LRRC2: variants seen among roughly 807,000 people sequenced by gnomAD.
LRRC2 encodes leucine rich repeat containing 2, also known as leucine-rich repeat-containing protein 2.
LRRC2 carries 27 observed loss-of-function variants against 40.2 expected under a neutral mutation model. The ratio of observed to expected loss-of-function variants is 0.67; its 90% CI spans 0.49 to 0.93. LRRC2 has a LOEUF of 0.93. Ranked by LOEUF, LRRC2 falls within the 40% of genes least tolerant of loss-of-function variation. The pLI is 0.00. For missense variants in LRRC2, 402 were observed against 439.6 expected (o/e 0.91, Z 0.76); for synonymous variants, 147 against 158.9 (o/e 0.92, Z 0.56).
At chr3:46,529,515 G>A (rs903133300) in intron 6 of LRRC2, among the ~76,000 whole-genome samples, 3 of 152,148 alleles carry the variant, frequency 2.0e-5, no homozygotes, top group Admixed American at 1.3e-4. Context: ...TATGTATAAC[G>A]AATCAATAAA....
intron 3 of LRRC2, among the ~76,000 whole-genome samples, chr3:46,544,619 C>A (rs1704484988): frequency 6.6e-6 from 1 of 152,226 alleles, no homozygotes; most frequent in African/African-American, 2.4e-5. Flanking sequence ...TTTGCCCTGG[C>A]CTCAGAATCT....
intron 7 of LRRC2, among the ~76,000 whole-genome samples, chr3:46,525,421 C>T (rs931510178): frequency 1.3e-5 from 2 of 151,838 alleles, no homozygotes; most frequent in East Asian, 3.9e-4. Context: ...TGGCTAATTT[C>T]TTAATTTTTT....
intron 2 of LRRC2, among the ~76,000 whole-genome samples, chr3:46,550,932 G>A (rs1366589149): frequency 1.3e-5 from 2 of 152,188 alleles, no homozygotes; most frequent in Admixed American, 1.3e-4. Flanking sequence ...ATTTTCCAAA[G>A]CACTCAACTT....
At chr3:46,541,677 G>A (rs1017225506) in intron 3 of LRRC2, among the ~76,000 whole-genome samples, 1 of 152,158 alleles carries the variant, frequency 6.6e-6, no homozygotes, top group African/African-American at 2.4e-5. Context: ...GGCAGTAGAA[G>A]AGCCTGGTAC....
intron 2 of LRRC2, among the ~76,000 whole-genome samples, chr3:46,545,950 T>C (rs2107026609): frequency 6.6e-6 from 1 of 152,328 alleles, no homozygotes; most frequent in East Asian, 1.9e-4. Context: ...GCCTTTAACA[T>C]ATTCTATGTG....
At chr3:46,547,076 G>T (rs763937179) in intron 2 of LRRC2, among the ~76,000 whole-genome samples, 1 of 152,168 alleles carries the variant, frequency 6.6e-6, no homozygotes, top group African/African-American at 2.4e-5. Flanking sequence ...TGTTATGCCT[G>T]CCTGCAACCC....
At chr3:46,541,259 G>A (rs1488801155) in intron 3 of LRRC2, among the ~76,000 whole-genome samples, 3 of 151,156 alleles carry the variant, frequency 2.0e-5, no homozygotes, top group East Asian at 2.0e-4. Context: ...TGTGAACCCG[G>A]GAAGCGGACC....
intron 6 of LRRC2, among the ~76,000 whole-genome samples, chr3:46,528,077 GT>G (rs1439432327): frequency 1.3e-5 from 2 of 152,086 alleles, no homozygotes; most frequent in Admixed American, 1.3e-4. Flanking sequence ...TTTTTTGGAA[GT>G]TTTTACTGAC....
At chr3:46,535,502 C>A (rs538231175) in intron 4 of LRRC2, among the ~76,000 whole-genome samples, 4 of 152,126 alleles carry the variant, frequency 2.6e-5, no homozygotes, top group East Asian at 1.9e-4. Flanking sequence ...GTTTAACTCA[C>A]AAAAAAATTC....
chr3:46,548,068 A>C lies in LRRC2; in HGVS notation c.126-2815T>G, dbSNP rs148156436. Among the ~76,000 whole-genome samples, 588 of 152,314 alleles carry C rather than the reference A, an allele frequency of 3.9e-3. 2 individuals are homozygous for C. The highest frequency in any genetic ancestry group is 0.013 in the African/African-American group (557 of 41,564). ...GGGCACTTTTCAGATTAATGTCTCT[A>C]ACTTTTCTTTCCTCATTTCTTAGAC... On this transcript the variant is annotated intron_variant, in intron 2 of 8. Transcript: ENST00000395905.
chr3:46,549,780 G>A (rs1453218964), intron 2 of LRRC2, among the ~76,000 whole-genome samples: 1 of 152,226 alleles, frequency 6.6e-6, no homozygotes, highest in Non-Finnish European at 1.5e-5. Flanking sequence ...AGCTACAGGT[G>A]CTTCCCTAAC....
In LRRC2 at chr3:46,518,718, G is replaced by C. The variant is rs1703912048; in HGVS notation, c.*296C>G. 7.5e-6 allele frequency: 2 copies of C among 265,850 alleles called. No homozygotes were observed. The highest frequency in any genetic ancestry group is 4.4e-5 in the African/African-American group (2 of 45,140). 16.5% of individuals were successfully genotyped at this position (265,850 alleles called of 1,614,324 possible). A position where few individuals can be genotyped will look rare whatever the true frequency, so the allele number is the denominator to read the frequency against. On this transcript the variant is annotated 3_prime_UTR_variant, in exon 9 of 9. Coordinates refer to ENST00000395905, the MANE Select transcript of LRRC2 (RefSeq NM_024512.5). The stretch of plus-strand genomic sequence containing the variant: ...CTTAACTTCAGTATTTGGTCTTTTA[G>C]TTATAATTCTTAAAAATAAGACATT...
At chr3:46,529,614 C>A (rs1704123052) in intron 6 of LRRC2, among the ~76,000 whole-genome samples, 1 of 152,186 alleles carries the variant, frequency 6.6e-6, no homozygotes, top group African/African-American at 2.4e-5. Context: ...TTTTCCACTT[C>A]TGTAGAGTGA....
chr3:46,522,045 G>A (rs1163194484), intron 7 of LRRC2, among the ~76,000 whole-genome samples: 3 of 152,044 alleles, frequency 2.0e-5, no homozygotes, highest in African/African-American at 7.2e-5. Context: ...AAATTACAAA[G>A]GACTCAAGGA....
chr3:46,549,555 C>T (rs1486052000), intron 2 of LRRC2, among the ~76,000 whole-genome samples: 1 of 152,194 alleles, frequency 6.6e-6, no homozygotes, highest in Non-Finnish European at 1.5e-5. Flanking sequence ...AGTTTTCTGT[C>T]TTAGGTTAAG....
chr3:46,540,749 G>A (rs1442265926), intron 3 of LRRC2, among the ~76,000 whole-genome samples: 2 of 152,150 alleles, frequency 1.3e-5, no homozygotes, highest in Admixed American at 1.3e-4. Flanking sequence ...TGCTTCTGAA[G>A]CCAACTACCT....
chr3:46,545,962 T>C (rs945535796), intron 2 of LRRC2, among the ~76,000 whole-genome samples: 6 of 152,216 alleles, frequency 3.9e-5, no homozygotes, highest in African/African-American at 1.4e-4. Context: ...TTCTATGTGA[T>C]GCAAAACAAG....
intron 3 of LRRC2, among the ~76,000 whole-genome samples, chr3:46,543,022 C>A (rs1323447789): frequency 6.6e-6 from 1 of 152,184 alleles, no homozygotes; most frequent in African/African-American, 2.4e-5. Flanking sequence ...CTCTAAGAGG[C>A]TGAAAAATCC....
rs780892971 is a variant in LRRC2, at chr3:46,529,942, T to A, written c.736A>T (p.Ser246Cys). ...TGCGGCAGGTCGGTCAGGTTATTGC[T>A]GCTGATATCCAACCACTGCAAATTC... ...MSNLQWLDIS[S>C]NNLTDLPQDI... The change falls in exon 6 of 9, where the codon AGC (serine) becomes TGC (cysteine). Residue 246 changes from serine (S) to cysteine (C), a missense_variant. Coordinates refer to ENST00000395905, the MANE Select transcript of LRRC2 (RefSeq NM_024512.5). 7 of 1,614,036 alleles carry A rather than the reference T, an allele frequency of 4.3e-6. No homozygotes were observed. Among genetic ancestry groups the A allele is most frequent in the Non-Finnish European group, 5.9e-6 (7 of 1,180,034 alleles).
Sources: allele counts gnomAD v4.1 joint callset (sites outside exome capture counted in the v4.1 genomes callset), GRCh38; gene constraint gnomAD v4.1.1; transcripts MANE v1.5; gene names NCBI Gene and HGNC (gene_info 2026-07-23, HGNC 2026-07-21).